Variants in CPA6 observed in about 807,000 individuals in gnomAD.
CPA6 encodes carboxypeptidase B.
Under a neutral mutation model 63.3 loss-of-function variants are expected in CPA6, and 58 were observed. The observed-to-expected ratio is 0.92, with a 90% CI of 0.74 to 1.14. The LOEUF is 1.14. CPA6 is among the 50% of genes most tolerant of loss of function. CPA6 has a pLI of 0.00. For missense variants in CPA6, 565 were observed against 526.6 expected (o/e 1.07, Z -0.71); for synonymous variants, 185 against 179.0 (o/e 1.03, Z -0.27).
intron 2 of CPA6, among the ~76,000 whole-genome samples, chr8:67,533,691 G>A (rs527242608): frequency 3.9e-5 from 6 of 152,314 alleles, no homozygotes; most frequent in African/African-American, 1.2e-4. Flanking sequence ...AGGCATTTAT[G>A]TTGCATTCTT....
At chr8:67,507,300 A>G (rs1451008876) in intron 5 of CPA6, among the ~76,000 whole-genome samples, 1 of 152,064 alleles carries the variant, frequency 6.6e-6, no homozygotes, top group Non-Finnish European at 1.5e-5. Flanking sequence ...TGTTAAGTAA[A>G]AAGCTAAGTC....
Position 67,631,310 on chromosome 8 carries a change from G to A in CPA6, c.117-7059C>T, listed in dbSNP as rs543591929. Among the ~76,000 whole-genome samples the A allele has an allele frequency of 2.0e-5, 3 of 152,326 alleles. No individual in the cohort carries two copies. In the South Asian group the frequency reaches 6.2e-4, roughly 32 times the overall value. On this transcript the variant is annotated intron_variant, in intron 1 of 10. Coordinates refer to ENST00000297770, the MANE Select transcript of CPA6 (RefSeq NM_020361.5). ...GCACTCTGTATCTAGCTAATCTGGTGGGGACTTGGAGGACTTTTATGTCTA... is the reference window on the plus strand; with the variant it reads ...GCACTCTGTATCTAGCTAATCTGGTAGGGACTTGGAGGACTTTTATGTCTA...
At chr8:67,651,250 T>G (rs1041870758) in intron 1 of CPA6, among the ~76,000 whole-genome samples, 1 of 152,140 alleles carries the variant, frequency 6.6e-6, no homozygotes, top group African/African-American at 2.4e-5. Context: ...TTGTAGGACT[T>G]TTTAATGTGT....
At chr8:67,595,266 C>T (rs182115869) in intron 2 of CPA6, among the ~76,000 whole-genome samples, 2 of 152,056 alleles carry the variant, frequency 1.3e-5, no homozygotes, top group African/African-American at 2.4e-5. Context: ...AGTACCTGGC[C>T]GTGTGAGGTG....
intron 6 of CPA6, among the ~76,000 whole-genome samples, chr8:67,493,776 TTTTC>T (rs549586918): frequency 0.033 from 4,981 of 152,110 alleles, 256 homozygotes; most frequent in African/African-American, 0.11. Flanking sequence ...ATTGCTTTTC[TTTTC>T]TTTCTTTCTT....
intron 2 of CPA6, among the ~76,000 whole-genome samples, chr8:67,599,537 A>G (rs748245393): frequency 3.3e-5 from 5 of 152,124 alleles, no homozygotes; most frequent in Non-Finnish European, 4.4e-5. Flanking sequence ...GAGGTCTGTA[A>G]TTATAATCAA....
At position 67,607,222 on chromosome 8, in the gene CPA6, CT is replaced by C. The variant is rs1564021385; in HGVS notation, c.192+16953del. On this transcript the variant is annotated intron_variant, in intron 2 of 10. Coordinates refer to ENST00000297770, the MANE Select transcript of CPA6 (RefSeq NM_020361.5). ...TCTTCTTCTTCTTCTTCTTCTTCTT[CT>C]TCTTCTTCTTCTTCTTCTTCTTCTT... 9.8e-4 allele frequency among the ~76,000 whole-genome samples: 109 copies of C among 111,662 alleles called. 5 individuals are homozygous for C. Among genetic ancestry groups the C allele is most frequent in the South Asian group, 6.5e-3 (19 of 2,916 alleles). 73.3% of individuals were successfully genotyped at this position (111,662 alleles called of 152,430 possible).
chr8:67,607,087 CTCTTCT>C (rs1323609317), intron 2 of CPA6, among the ~76,000 whole-genome samples: 8 of 146,210 alleles, frequency 5.5e-5, no homozygotes, highest in East Asian at 2.0e-4. Flanking sequence ...CTTCTTCTTC[CTCTTCT>C]TCTTCTTCTT....
intron 1 of CPA6, among the ~76,000 whole-genome samples, chr8:67,677,185 G>A (rs1479908366): frequency 2.6e-5 from 4 of 152,052 alleles, no homozygotes; most frequent in Non-Finnish European, 5.9e-5. Context: ...GTCACAGCAG[G>A]TATTTATATA....
intron 6 of CPA6, among the ~76,000 whole-genome samples, chr8:67,495,698 C>CT (rs1811696896): frequency 6.6e-6 from 1 of 151,756 alleles, no homozygotes; most frequent in Non-Finnish European, 1.5e-5. Flanking sequence ...TTCTTTTTCT[C>CT]TTTTTTTGAG....
intron 8 of CPA6, among the ~76,000 whole-genome samples, chr8:67,454,604 CTTAGT>C (rs952779589): frequency 2.0e-5 from 3 of 152,258 alleles, no homozygotes; most frequent in African/African-American, 7.2e-5. Flanking sequence ...TTAGTTTTCC[CTTAGT>C]TTATGGGAAC....
chr8:67,573,675 G>C (rs530991137), intron 2 of CPA6, among the ~76,000 whole-genome samples: 2 of 151,716 alleles, frequency 1.3e-5, no homozygotes, highest in African/African-American at 2.4e-5. Context: ...GGCGGATCAC[G>C]AGGTCAGGAG....
At position 67,604,605 on chromosome 8, in the gene CPA6, T is replaced by C. The variant is rs563387311; in HGVS notation, c.192+19571A>G. ...GTTTCTTGAGGACAGGGATTGTTGG[T>C]TGTGTTTCCTGCTGTATCCCTCAGC... On this transcript the variant is annotated intron_variant, in intron 2 of 10. Transcript: ENST00000297770. 9.8e-5 allele frequency among the ~76,000 whole-genome samples: 15 copies of C among 152,324 alleles called. No individual in the cohort carries two copies. In the Middle Eastern group the frequency reaches 0.01, roughly 104 times the overall value.
intron 1 of CPA6, among the ~76,000 whole-genome samples, chr8:67,666,505 T>C (rs1020827887): frequency 6.6e-6 from 1 of 152,098 alleles, no homozygotes; most frequent in Non-Finnish European, 1.5e-5. Flanking sequence ...TCTGGGAACT[T>C]ACAGCCCTGG....
At chr8:67,649,409 TA>T (rs1270795599) in intron 1 of CPA6, among the ~76,000 whole-genome samples, 2 of 152,222 alleles carry the variant, frequency 1.3e-5, no homozygotes, top group African/African-American at 4.8e-5. Context: ...CCAACAATAA[TA>T]AATTACAATG....
At chr8:67,560,744 G>A (rs1052301273) in intron 2 of CPA6, among the ~76,000 whole-genome samples, 10 of 152,088 alleles carry the variant, frequency 6.6e-5, no homozygotes, top group Non-Finnish European at 2.9e-5. Flanking sequence ...AGGGCCTTGA[G>A]CAAAATGGAA....
chr8:67,523,615 T>C (rs1414704710), intron 2 of CPA6, among the ~76,000 whole-genome samples: 4 of 152,168 alleles, frequency 2.6e-5, no homozygotes, highest in African/African-American at 9.7e-5. Flanking sequence ...CAAAAAAAAT[T>C]CTTTGCAATG....
intron 1 of CPA6, among the ~76,000 whole-genome samples, chr8:67,740,015 C>A (rs1817883221): frequency 1.3e-5 from 2 of 152,152 alleles, no homozygotes; most frequent in African/African-American, 4.8e-5. Context: ...AGATGCATTT[C>A]TTCCTTAAGA....
intron 2 of CPA6, among the ~76,000 whole-genome samples, chr8:67,597,688 A>G (rs544438865): frequency 1.3e-5 from 2 of 151,952 alleles, no homozygotes; most frequent in Admixed American, 6.6e-5. Context: ...TTTTGTTTTT[A>G]ATTCCGCAAT....
Sources: allele counts gnomAD v4.1 joint callset (sites outside exome capture counted in the v4.1 genomes callset), GRCh38; gene constraint gnomAD v4.1.1; transcripts MANE v1.5; gene names NCBI Gene and HGNC (gene_info 2026-07-23, HGNC 2026-07-21).